PPL: variants seen among roughly 807,000 people sequenced by gnomAD.
PPL encodes periplakin.
In PPL, 198 loss-of-function variants were observed where a neutral mutation model predicts 194.4. That is an observed-to-expected ratio of 1.02 (90% confidence interval 0.91 to 1.15). The LOEUF is 1.15. Among genes scored for constraint, PPL ranks in the 50% most tolerant of loss-of-function variants. The pLI is 0.00. For synonymous variants in PPL, 1,220 were observed against 972.4 expected (o/e 1.25, Z -4.74); for missense variants, 2,885 against 2,294.8 (o/e 1.26, Z -5.25).
Position 4,885,935 on chromosome 16 carries a change from C to A in PPL, c.2720G>T (p.Arg907Leu). 1.2e-6 allele frequency: 2 copies of A among 1,613,014 alleles called. No homozygotes were observed. Among genetic ancestry groups the A allele is most frequent in the Non-Finnish European group, 1.7e-6 (2 of 1,180,040 alleles). ...GCTCTTGACCTCGTTCTCCAGCTGC[C>A]GCCTCCGCTCAGTCTCCTCATCCAG... ...KELDEETERR[R>L]QLENEVKSTQ... The change falls in exon 22 of 22, where the codon CGG (arginine) becomes CTG (leucine). Residue 907 changes from arginine (R) to leucine (L), a missense_variant. Transcript: ENST00000345988. This position sits in a 1 kb window ranked among gnomAD's most constrained non-coding sequence, Gnocchi z 6.3.
Position 4,883,511 on chromosome 16 carries a change from G to T in PPL, c.5144C>A (p.Ser1715Tyr). The change falls in exon 22 of 22, where the codon TCT becomes TAT. Residue 1715 changes from serine (S) to tyrosine (Y), a missense_variant. By Grantham distance (144) the Ser-to-Tyr change is moderately radical. Coordinates refer to ENST00000345988, the MANE Select transcript of PPL (RefSeq NM_002705.5). This position sits in a 1 kb window ranked among gnomAD's most constrained non-coding sequence, Gnocchi z 4.8. ...CTCTTCGATGGAGAACTTCTTGCCA[G>T]ACTTCCTGTCGTGTATCACTGAGGA... ...GESSVIHDRK[S>Y]GKKFSIEEAL... is the part of the protein sequence containing the mutation. The T allele has an allele frequency of 6.2e-7, 1 of 1,614,216 alleles. No individual in the cohort carries two copies. Among genetic ancestry groups the T allele is most frequent in the East Asian group, 2.2e-5 (1 of 44,876 alleles).
At position 4,893,261 on chromosome 16, in the gene PPL, CT is replaced by C; in HGVS notation, c.1601del (p.Glu534GlyfsTer53). 6.3e-7 allele frequency: 1 copy of C among 1,596,846 alleles called. No homozygotes were observed. ...CACTGTCCTGCACAGCCCGGCCTTG[CT>C]CCAGTGGTGGCCGCAGGATCCCTGT... ...AITGILRPPL[E>X]QGRAVQDSAE... On this transcript the variant is annotated frameshift_variant, in exon 14 of 22. Transcript: ENST00000345988. LOFTEE classifies it high-confidence loss of function.
At chr16:4,915,711 A>G (rs557885497) in intron 1 of PPL, among the ~76,000 whole-genome samples, 1 of 152,314 alleles carries the variant, frequency 6.6e-6, no homozygotes, top group African/African-American at 2.4e-5. Context: ...ATATGAGCTA[A>G]TACTTACTCT....
At chr16:4,925,867 A>G (rs1192902955) in intron 1 of PPL, among the ~76,000 whole-genome samples, 1 of 152,232 alleles carries the variant, frequency 6.6e-6, no homozygotes, top group Non-Finnish European at 1.5e-5. Flanking sequence ...GAGAGACAGG[A>G]TGATGGGACC....
chr16:4,909,749 G>A (rs764961700), intron 2 of PPL, among the ~76,000 whole-genome samples: 7 of 151,996 alleles, frequency 4.6e-5, no homozygotes, highest in Admixed American at 3.3e-4. Context: ...CTTCTTAGTC[G>A]CCCCTGCATA....
intron 2 of PPL, among the ~76,000 whole-genome samples, chr16:4,907,804 T>A (rs973046266): frequency 2.0e-5 from 3 of 152,104 alleles, no homozygotes; most frequent in South Asian, 2.1e-4. Flanking sequence ...AGAAAAAGAT[T>A]GTGTGATCCA....
Position 4,890,317 on chromosome 16 carries a change from C to A in PPL, c.2180G>T (p.Ser727Ile). 1 of 1,613,586 alleles carries A rather than the reference C, an allele frequency of 6.2e-7. No individual in the cohort carries two copies. The highest frequency in any genetic ancestry group is 8.5e-7 in the Non-Finnish European group (1 of 1,179,836). ...GAAGTGCTCGTAGGCTGCCTTGGCGCTCTGTAGGCTCTGCGCCCTGTCAAG... is the reference window on the plus strand; with the variant it reads ...GAAGTGCTCGTAGGCTGCCTTGGCGATCTGTAGGCTCTGCGCCCTGTCAAG... ...QVERRAQSLQ[S>I]AKAAYEHFHR... is the part of the protein sequence containing the mutation. Residue 727 changes from serine (S) to isoleucine (I), a missense_variant, in exon 18 of 22, where the codon AGC becomes ATC. Physicochemically the swap from Ser to Ile is moderately radical, Grantham distance 142. Coordinates refer to ENST00000345988, the MANE Select transcript of PPL (RefSeq NM_002705.5).
intron 1 of PPL, among the ~76,000 whole-genome samples, chr16:4,933,791 A>T (rs1218525840): frequency 6.6e-6 from 1 of 152,170 alleles, no homozygotes; most frequent in Non-Finnish European, 1.5e-5. Context: ...CCACGTGCTA[A>T]AACCCAGCAA....
In PPL at chr16:4,899,240, G is replaced by A. The variant is rs747158657; in HGVS notation, c.751C>T (p.Arg251Cys). 8 of 1,613,932 alleles carry A rather than the reference G, an allele frequency of 5.0e-6. No individual in the cohort carries two copies. Among genetic ancestry groups the A allele is most frequent in the East Asian group, 2.2e-5 (1 of 44,874 alleles). ...WSDRNLDYPS[R>C]RRQYENFINR... ...GAACCCACCTCATACTGGCGCCGGC[G>A]GCTGGGGTAGTCGAGGTTGCGGTCA... is the stretch of plus-strand genomic sequence containing the variant. Residue 251 changes from arginine to cysteine, a missense_variant, in exon 7 of 22, where the codon CGC becomes TGC. Coordinates refer to ENST00000345988, the MANE Select transcript of PPL (RefSeq NM_002705.5).
chr16:4,927,803 T>A (rs1003954233), intron 1 of PPL, among the ~76,000 whole-genome samples: 1 of 152,234 alleles, frequency 6.6e-6, no homozygotes, highest in African/African-American at 2.4e-5. Flanking sequence ...AGGCCTCTGA[T>A]GGGGCCTAGG....
chr16:4,886,840 A>C (rs2088227430), intron 21 of PPL, among the ~76,000 whole-genome samples: 1 of 152,238 alleles, frequency 6.6e-6, no homozygotes, highest in Non-Finnish European at 1.5e-5. Flanking sequence ...GCTGGTCTCG[A>C]ACTCCTGACC....
rs564396478 is a variant in PPL at position 4,934,466 on chromosome 16, G to C, written c.62+2518C>G. Among the ~76,000 whole-genome samples, 9 of 152,230 alleles carry C rather than the reference G, an allele frequency of 5.9e-5. No individual in the cohort carries two copies. In the South Asian group the frequency reaches 1.5e-3, roughly 25 times the overall value. ...TGCTACAGCACTGCTCCTCCCAGCA[G>C]CCCTATGCATGAGACACTCAGTATT... is the stretch of plus-strand genomic sequence containing the variant. On this transcript the variant is annotated intron_variant, in intron 1 of 21. Coordinates refer to ENST00000345988, the MANE Select transcript of PPL (RefSeq NM_002705.5).
chr16:4,892,254 C>A (rs1388233545), intron 14 of PPL, 41 bp from the exon 15 acceptor site: 1 of 1,583,254 alleles, frequency 6.3e-7, no homozygotes, highest in Non-Finnish European at 8.6e-7. Context: ...CACAGCCAGG[C>A]AGCCCCTTCC....
chr16:4,927,085 C>T (rs746950205), intron 1 of PPL, among the ~76,000 whole-genome samples: 3 of 152,070 alleles, frequency 2.0e-5, no homozygotes, highest in Non-Finnish European at 4.4e-5. Flanking sequence ...TAGGTTCAAA[C>T]ACATTAGTCA....
intron 12 of PPL, 41 bp downstream of exon 12, chr16:4,894,426 G>C: frequency 6.2e-7 from 1 of 1,605,526 alleles, no homozygotes; most frequent in Non-Finnish European, 8.5e-7. Context: ...AGCCCTGGGG[G>C]TGGGACTGGT....
chr16:4,900,702 T>G, intron 6 of PPL, 128 bp downstream of exon 6: 1 of 1,301,530 alleles, frequency 7.7e-7, no homozygotes, highest in Non-Finnish European at 1.1e-6. Context: ...CCTCCCAAAG[T>G]GCTAGGCGTG....
Position 4,937,125 on chromosome 16 carries a change from G to A in PPL, c.-80C>T, listed in dbSNP as rs2089310983. 3 of 995,322 alleles carry A rather than the reference G, an allele frequency of 3.0e-6. No homozygotes were observed. In the South Asian group the frequency reaches 1.4e-4, roughly 46 times the overall value. 61.7% of individuals were successfully genotyped at this position (995,322 alleles called of 1,614,324 possible). A position where few individuals can be genotyped will look rare whatever the true frequency, so the allele number is the denominator to read the frequency against. The stretch of plus-strand genomic sequence containing the variant: ...GGCGGGCGGGAGCGCAGGTGAGCGA[G>A]CGGCGGCGCGGGGAGCCCGGACTGC... On this transcript the variant is annotated 5_prime_UTR_variant, in exon 1 of 22. Coordinates refer to ENST00000345988, the MANE Select transcript of PPL (RefSeq NM_002705.5).
intron 1 of PPL, among the ~76,000 whole-genome samples, chr16:4,931,814 C>T (rs765098373): frequency 1.1e-4 from 16 of 152,222 alleles, no homozygotes; most frequent in Non-Finnish European, 1.8e-4. Flanking sequence ...TACCCTTTCC[C>T]AACATGATCC....
chr16:4,936,678 G>T (rs1209741755), intron 1 of PPL, among the ~76,000 whole-genome samples: 1 of 152,074 alleles, frequency 6.6e-6, no homozygotes, highest in Non-Finnish European at 1.5e-5. Context: ...GGACACGGGG[G>T]TGCCCTGTAC....
Sources: gnomAD v4.1 joint callset for allele counts (sites outside exome capture counted in the v4.1 genomes callset) on GRCh38, gnomAD v4.1.1 for gene constraint, Gnocchi (gnomAD v3.1) non-coding constraint, MANE v1.5 for transcripts, NCBI Gene and HGNC (gene_info 2026-07-23, HGNC 2026-07-21) for gene names.